The following TIMM23 variants were observed in gnomAD, a reference collection of about 807,000 sequenced individuals.
TIMM23 encodes mitochondrial import inner membrane translocase subunit Tim23.
Under a neutral mutation model 30.7 loss-of-function variants are expected in TIMM23, and 19 were observed. That is an observed-to-expected ratio of 0.62 (90% CI 0.43 to 0.91). The LOEUF (loss-of-function observed/expected upper bound fraction) is 0.91, where lower values mean the gene tolerates loss of function less well. Among genes scored for constraint, TIMM23 ranks in the 40% least tolerant of loss-of-function variants. The pLI, the probability that TIMM23 is intolerant of heterozygous loss-of-function variation, is 0.00. For synonymous variants in TIMM23, 78 were observed against 98.5 expected (o/e 0.79, Z 1.23); for missense variants, 202 against 269.2 (o/e 0.75, Z 1.75).
At chr10:45,983,805 G>A (rs1249657554) in intron 4 of TIMM23, among the ~76,000 whole-genome samples, 8 of 152,156 alleles carry the variant, frequency 5.3e-5, no homozygotes, top group African/African-American at 1.2e-4. Flanking sequence ...GTGCAATGGC[G>A]CCATCACAGC....
At chr10:45,998,002 G>C (rs1274353926) in intron 6 of TIMM23, among the ~76,000 whole-genome samples, 1 of 152,116 alleles carries the variant, frequency 6.6e-6, no homozygotes, top group Admixed American at 6.5e-5. Context: ...ATGGCATTTA[G>C]TAGTCATGTT....
chr10:45,990,835 G>A, intron 6 of TIMM23: 1 of 370,258 alleles, frequency 2.7e-6, no homozygotes. Context: ...GGAAAGCTGT[G>A]TTAACTCCGC....
chr10:46,000,081 G>A (rs1478676892), intron 6 of TIMM23, among the ~76,000 whole-genome samples: 2 of 152,030 alleles, frequency 1.3e-5, no homozygotes, highest in African/African-American at 4.8e-5. Flanking sequence ...TTTCATATTT[G>A]TTCAAACACA....
chr10:45,998,407 C>G, intron 6 of TIMM23: 1 of 984,888 alleles, frequency 1.0e-6, no homozygotes, highest in Non-Finnish European at 1.2e-6. Flanking sequence ...AAAACTGAAA[C>G]ACAAGTCATA....
At chr10:45,989,488 A>C (rs1169650345) in intron 6 of TIMM23, among the ~76,000 whole-genome samples, 1 of 152,168 alleles carries the variant, frequency 6.6e-6, no homozygotes, top group Non-Finnish European at 1.5e-5. Flanking sequence ...TTTTGGATAT[A>C]TGTGCAGAAG....
At chr10:45,986,018 A>G (rs1179748347) in intron 5 of TIMM23, among the ~76,000 whole-genome samples, 1 of 152,228 alleles carries the variant, frequency 6.6e-6, no homozygotes, top group African/African-American at 2.4e-5. Context: ...ATCACTTACA[A>G]TAGATCTCTT....
At chr10:45,993,887 A>G (rs1241573036) in intron 6 of TIMM23, among the ~76,000 whole-genome samples, 1 of 152,120 alleles carries the variant, frequency 6.6e-6, no homozygotes, top group Non-Finnish European at 1.5e-5. Flanking sequence ...TGAACAATGA[A>G]ACACCGGGTG....
intron 2 of TIMM23, among the ~76,000 whole-genome samples, chr10:45,980,174 CTT>C (rs1170009187): frequency 6.6e-6 from 1 of 150,838 alleles, no homozygotes; most frequent in Non-Finnish European, 1.5e-5. Flanking sequence ...TTTTGTAAAA[CTT>C]TTATTTATAC....
In TIMM23 at chr10:46,003,510, A is replaced by C. The variant is rs1324950511; in HGVS notation, c.*192A>C. The C allele has an allele frequency of 3.3e-5, 17 of 508,084 alleles. No individual in the cohort carries two copies. The highest frequency in any genetic ancestry group is 5.4e-5 in the Non-Finnish European group (15 of 279,912). 31.5% of individuals were successfully genotyped at this position (508,084 alleles called of 1,614,324 possible). A position where few individuals can be genotyped will look rare whatever the true frequency, so the allele number is the denominator to read the frequency against. On this transcript the variant is annotated 3_prime_UTR_variant, in exon 7 of 7. Coordinates refer to ENST00000580018, the MANE Select transcript of TIMM23 (RefSeq NM_006327.4). ...TTCCAGCCATTAGTGAGTTGAAGCC[A>C]AAGCCCTTTGGTGACTCACTGAGTA...
At chr10:45,996,341 C>T (rs1554916716) in intron 6 of TIMM23, among the ~76,000 whole-genome samples, 1 of 146,600 alleles carries the variant, frequency 6.8e-6, no homozygotes, top group Non-Finnish European at 1.5e-5. Flanking sequence ...CAGCCTGGGC[C>T]ACAGAGCAAG....
At chr10:45,999,473 G>A (rs1028192062) in intron 6 of TIMM23, among the ~76,000 whole-genome samples, 4 of 152,132 alleles carry the variant, frequency 2.6e-5, no homozygotes, top group African/African-American at 9.7e-5. Flanking sequence ...TCACATGTCG[G>A]TAGGTTCCAT....
At chr10:46,001,037 TCTC>T (rs1197121708) in intron 6 of TIMM23, among the ~76,000 whole-genome samples, 2 of 152,256 alleles carry the variant, frequency 1.3e-5, no homozygotes, top group Non-Finnish European at 1.5e-5. Context: ...TAGCATTTAT[TCTC>T]CTGTGCCTCA....
chr10:45,985,880 C>A (rs1837975298), intron 5 of TIMM23, among the ~76,000 whole-genome samples: 1 of 152,172 alleles, frequency 6.6e-6, no homozygotes, highest in Non-Finnish European at 1.5e-5. Context: ...ATTTCAGGCA[C>A]CTAATTGCCA....
intron 6 of TIMM23, among the ~76,000 whole-genome samples, chr10:46,000,541 T>C (rs1838496887): frequency 2.6e-5 from 4 of 152,206 alleles, no homozygotes; most frequent in African/African-American, 9.6e-5. Context: ...TAAAGCCTTA[T>C]AGATTCCACT....
At chr10:45,991,523 G>A (rs1212253478) in intron 6 of TIMM23, among the ~76,000 whole-genome samples, 5 of 152,062 alleles carry the variant, frequency 3.3e-5, no homozygotes, top group African/African-American at 1.2e-4. Flanking sequence ...AGGCTGAGGC[G>A]GGTGGATCCC....
chr10:45,987,848 C>T (rs1462643535), intron 5 of TIMM23, among the ~76,000 whole-genome samples: 1 of 151,884 alleles, frequency 6.6e-6, no homozygotes, highest in Non-Finnish European at 1.5e-5. Context: ...TCTCTGACTC[C>T]TGGGCTCATG....
intron 6 of TIMM23, among the ~76,000 whole-genome samples, chr10:45,989,054 G>A (rs1564907891): frequency 6.6e-6 from 1 of 152,130 alleles, no homozygotes; most frequent in Non-Finnish European, 1.5e-5. Context: ...CAGTACATTA[G>A]TATTATAGTC....
At chr10:45,976,812 C>A (rs1837687183) in intron 2 of TIMM23, among the ~76,000 whole-genome samples, 1 of 152,076 alleles carries the variant, frequency 6.6e-6, no homozygotes, top group Non-Finnish European at 1.5e-5. Context: ...AAATGGCATT[C>A]AAGTTGAGAA....
At chr10:45,978,962 AG>A (rs1837759507) in intron 2 of TIMM23, among the ~76,000 whole-genome samples, 1 of 152,214 alleles carries the variant, frequency 6.6e-6, no homozygotes, top group African/African-American at 2.4e-5. Context: ...TAATAAAAAA[AG>A]AATTATTAAA....
Sources: gnomAD v4.1 joint callset for allele counts (sites outside exome capture counted in the v4.1 genomes callset) on GRCh38, gnomAD v4.1.1 for gene constraint, MANE v1.5 for transcripts, NCBI Gene and HGNC (gene_info 2026-07-23, HGNC 2026-07-21) for gene names.